Variants in EDIL3 observed in about 807,000 individuals in gnomAD.
The protein encoded by EDIL3 is EGF-like repeat and discoidin I-like domain-containing protein 3.
A neutral mutation model predicts 67.4 loss-of-function variants in EDIL3; 37 were observed. That is an observed-to-expected ratio of 0.55 (90% confidence interval 0.42 to 0.72). The LOEUF (loss-of-function observed/expected upper bound fraction) is 0.72. Ranked by LOEUF, EDIL3 falls within the 30% of genes least tolerant of loss-of-function variation. The probability of loss-of-function intolerance (pLI) is 0.00; values close to 1 mark genes in which losing one functional copy is unlikely to be tolerated. For synonymous variants in EDIL3, 195 were observed against 196.3 expected, an observed-to-expected ratio of 0.99 and a Z score of 0.05; for missense variants, 527 against 586.3, an observed-to-expected ratio of 0.90 and a Z score of 1.04.
At chr5:84,284,655 GA>G (rs1161159312) in intron 1 of EDIL3, among the ~76,000 whole-genome samples, 1 of 152,048 alleles carries the variant, frequency 6.6e-6, no homozygotes, top group Non-Finnish European at 1.5e-5. Context: ...GTTTCTGCTT[GA>G]AATAATGATA....
At chr5:84,334,967 CAG>C (rs1746956498) in intron 1 of EDIL3, among the ~76,000 whole-genome samples, 1 of 152,056 alleles carries the variant, frequency 6.6e-6, no homozygotes, top group South Asian at 2.1e-4. Flanking sequence ...AATTAGAAGA[CAG>C]ATATTATTTT....
intron 7 of EDIL3, among the ~76,000 whole-genome samples, chr5:84,065,523 T>A (rs1044114884): frequency 3.3e-5 from 5 of 149,412 alleles, no homozygotes; most frequent in Non-Finnish European, 7.4e-5. Context: ...TTTAAAAATA[T>A]TTTATATAAT....
intron 3 of EDIL3, among the ~76,000 whole-genome samples, chr5:84,201,274 A>C (rs1288241300): frequency 6.6e-6 from 1 of 152,070 alleles, no homozygotes; most frequent in Admixed American, 6.6e-5. Flanking sequence ...GCTACCAAAT[A>C]GATGCTAGGA....
At chr5:83,974,780 G>A (rs1391095598) in intron 9 of EDIL3, among the ~76,000 whole-genome samples, 1 of 151,934 alleles carries the variant, frequency 6.6e-6, no homozygotes, top group African/African-American at 2.4e-5. Context: ...TTTATTTATT[G>A]TGTATATATA....
intron 9 of EDIL3, among the ~76,000 whole-genome samples, chr5:83,998,015 A>G (rs1745263632): frequency 6.6e-6 from 1 of 152,132 alleles, no homozygotes; most frequent in African/African-American, 2.4e-5. Context: ...ACTGCAAGCT[A>G]AAGTACTCTG....
intron 3 of EDIL3, among the ~76,000 whole-genome samples, chr5:84,219,337 G>A (rs899900919): frequency 6.6e-6 from 1 of 152,132 alleles, no homozygotes; most frequent in Non-Finnish European, 1.5e-5. Flanking sequence ...AATTAAGAAG[G>A]AAATTTAAAA....
intron 6 of EDIL3, among the ~76,000 whole-genome samples, chr5:84,089,831 C>T (rs1747133390): frequency 3.3e-5 from 5 of 152,188 alleles, no homozygotes; most frequent in Admixed American, 2.6e-4. Context: ...CCCAGTGCGA[C>T]TTTGTTTATT....
intron 1 of EDIL3, among the ~76,000 whole-genome samples, chr5:84,332,266 G>A (rs2112167106): frequency 6.6e-6 from 1 of 152,234 alleles, no homozygotes; most frequent in East Asian, 1.9e-4. Context: ...CATCTATTCA[G>A]CAGGCTGAGG....
At chr5:84,332,153 G>A (rs752437675) in intron 1 of EDIL3, among the ~76,000 whole-genome samples, 1 of 152,122 alleles carries the variant, frequency 6.6e-6, no homozygotes, top group Non-Finnish European at 1.5e-5. Flanking sequence ...AGGATCGCTT[G>A]AGGCTAGAAG....
intron 1 of EDIL3, among the ~76,000 whole-genome samples, chr5:84,265,777 G>C (rs1322398361): frequency 6.6e-6 from 1 of 152,180 alleles, no homozygotes; most frequent in Admixed American, 6.5e-5. Flanking sequence ...CATGGAATCT[G>C]TTATTCAGAT....
chr5:83,965,781 A>G (rs892973631), intron 9 of EDIL3, among the ~76,000 whole-genome samples: 8 of 151,806 alleles, frequency 5.3e-5, no homozygotes, highest in African/African-American at 1.9e-4. Flanking sequence ...TTTTCTATCT[A>G]GAAATGTTTT....
At chr5:84,070,221 C>G (rs1746712398) in intron 6 of EDIL3, among the ~76,000 whole-genome samples, 1 of 152,188 alleles carries the variant, frequency 6.6e-6, no homozygotes, top group South Asian at 2.1e-4. Context: ...TACACCAAGG[C>G]AAGAACCCCG....
intron 10 of EDIL3, among the ~76,000 whole-genome samples, chr5:83,961,662 T>A (rs1026127168): frequency 6.6e-6 from 1 of 150,988 alleles, no homozygotes; most frequent in African/African-American, 2.4e-5. Context: ...CTGTATAACT[T>A]ATGAAGTTTA....
chr5:84,031,383 T>C (rs554246402), intron 9 of EDIL3, among the ~76,000 whole-genome samples: 1 of 152,250 alleles, frequency 6.6e-6, no homozygotes, highest in South Asian at 2.1e-4. Context: ...AAAAGATGGA[T>C]AATAATTTTT....
intron 5 of EDIL3, among the ~76,000 whole-genome samples, chr5:84,126,075 C>A (rs1747865552): frequency 6.6e-6 from 1 of 151,982 alleles, no homozygotes; most frequent in Non-Finnish European, 1.5e-5. Flanking sequence ...TGAGGAGAAG[C>A]AGGAATGAAT....
chr5:84,206,625 A>T (rs1179325282), intron 3 of EDIL3, among the ~76,000 whole-genome samples: 2 of 152,190 alleles, frequency 1.3e-5, no homozygotes, highest in Admixed American at 1.3e-4. Context: ...ATCCTTGATG[A>T]ACATTGATGC....
At chr5:84,313,965 A>G (rs1194194778) in intron 1 of EDIL3, among the ~76,000 whole-genome samples, 3 of 152,038 alleles carry the variant, frequency 2.0e-5, no homozygotes, top group Admixed American at 6.6e-5. Context: ...AGAGGCCAAG[A>G]TGGGCAGATC....
chr5:83,966,765 T>C (rs1378951045), intron 9 of EDIL3, among the ~76,000 whole-genome samples: 1 of 152,092 alleles, frequency 6.6e-6, no homozygotes, highest in Non-Finnish European at 1.5e-5. Context: ...CACTATATAG[T>C]AAGTACTATG....
intron 1 of EDIL3, among the ~76,000 whole-genome samples, chr5:84,369,720 AC>A (rs1396305140): frequency 2.0e-5 from 3 of 152,102 alleles, no homozygotes; most frequent in Non-Finnish European, 4.4e-5. Context: ...TAAACTGTAC[AC>A]CTAAAAACAT....
Sources: allele counts gnomAD v4.1 joint callset (sites outside exome capture counted in the v4.1 genomes callset), GRCh38; gene constraint gnomAD v4.1.1; transcripts MANE v1.5; gene names NCBI Gene and HGNC (gene_info 2026-07-23, HGNC 2026-07-21).